The following CACNA1S variants were observed in gnomAD, a reference collection of about 807,000 sequenced individuals.
CACNA1S encodes the protein voltage-dependent L-type calcium channel subunit alpha-1S.
CACNA1S carries 126 observed loss-of-function variants against 207.4 expected under a neutral mutation model. The observed-to-expected ratio is 0.61, with a 90% CI of 0.53 to 0.70. The LOEUF (loss-of-function observed/expected upper bound fraction) is 0.70, where lower values mean the gene tolerates loss of function less well. Ranked by LOEUF, CACNA1S falls within the 30% of genes least tolerant of loss-of-function variation. The pLI, the probability that CACNA1S is intolerant of heterozygous loss-of-function variation, is 0.00. For missense variants in CACNA1S, 2,349 were observed against 2,422.8 expected, an observed-to-expected ratio of 0.97 and a Z score of 0.64; for synonymous variants, 960 against 932.7, an observed-to-expected ratio of 1.03 and a Z score of -0.53.
intron 6 of CACNA1S, 39 bp downstream of exon 6, chr1:201,089,219 T>C (rs1305643115): frequency 5.0e-6 from 8 of 1,592,142 alleles, no homozygotes; most frequent in Non-Finnish European, 6.9e-6. Context: ...AGCCTGTGGA[T>C]GAAGGGAGAT....
chr1:201,039,878 C>T lies in CACNA1S; in HGVS notation c.5575G>A (p.Asp1859Asn), dbSNP rs191263754. ...GTCTCCTGGGAGCCCTGGTGTTGGT[C>T]GAGGCTGCCCAGGGAGGACCCGAGG... is the stretch of plus-strand genomic sequence containing the variant. ...LNLGSSLGSL[D>N]QHQGSQETLI... Residue 1859 changes from aspartate to asparagine, a missense_variant, in exon 44 of 44, where the codon GAC becomes AAC. Physicochemically the swap from Asp to Asn is conservative, Grantham distance 23 (BLOSUM62 1). Transcript: ENST00000362061. 14 of 1,611,584 alleles carry T rather than the reference C, an allele frequency of 8.7e-6. No individual in the cohort carries two copies. Among genetic ancestry groups the T allele is most frequent in the Admixed American group, 6.7e-5 (4 of 60,034 alleles).
chr1:201,056,644 A>C (rs190450353), intron 28 of CACNA1S, among the ~76,000 whole-genome samples: 152 of 152,260 alleles, frequency 1.0e-3, no homozygotes, highest in Admixed American at 2.0e-3. Flanking sequence ...CACTTGGGCA[A>C]CTGTTTTTTG....
In CACNA1S at chr1:201,089,414, C is replaced by T. The variant is rs373609219; in HGVS notation, c.744G>A (p.Thr248=). 27 of 1,614,164 alleles carry T rather than the reference C, an allele frequency of 1.7e-5. No individual in the cohort carries two copies. The highest frequency in any genetic ancestry group is 4.0e-5 in the African/African-American group (3 of 75,060). The part of the protein sequence containing the change: ...ENEEPSPCAR[T]GSGRRCTING... ...TGATGGTGCACCGGCGCCCTGAGCC[C>T]GTCCTGGCGCAGGGCGATGGCTCTT... Residue 248 remains threonine, a synonymous_variant, in exon 6 of 44, where the codon ACG becomes ACA. Transcript: ENST00000362061.
chr1:201,062,001 T>C lies in CACNA1S; in HGVS notation c.2996A>G (p.Asn999Ser), dbSNP rs932487379. The change falls in exon 24 of 44, where the codon AAT (asparagine) becomes AGT (serine). Residue 999 changes from asparagine (N) to serine (S), a missense_variant. Transcript: ENST00000362061. The stretch of plus-strand genomic sequence containing the variant: ...GAGGGACATCATGGCTGAGAGCACA[T>C]TGTCGAAGTGGAAGTCGCTGTGTAC... ...EWVHSDFHFDNVLSAMMSLFT... is the reference protein window; with the variant it reads ...EWVHSDFHFDSVLSAMMSLFT... 6.2e-7 allele frequency: 1 copy of C among 1,614,150 alleles called. No homozygotes were observed. Among genetic ancestry groups the C allele is most frequent in the Non-Finnish European group, 8.5e-7 (1 of 1,180,006 alleles).
At chr1:201,056,068 C>A (rs1005319701) in intron 28 of CACNA1S, among the ~76,000 whole-genome samples, 1 of 137,396 alleles carries the variant, frequency 7.3e-6, no homozygotes, top group Non-Finnish European at 1.5e-5. Flanking sequence ...GACAGACAGA[C>A]AGACACACAC....
Position 201,050,615 on chromosome 1 carries a change from C to T in CACNA1S, c.4114-99G>A, listed in dbSNP as rs544868045. ...GTGTCCACTGGCCCACAACTTCTCG[C>T]TTCCTGTGCCCTTGATTCTAGCCCT... On this transcript the variant is annotated intron_variant, in intron 33 of 43. Coordinates refer to ENST00000362061, the MANE Select transcript of CACNA1S (RefSeq NM_000069.3). 9.3e-6 allele frequency: 13 copies of T among 1,392,846 alleles called. No individual in the cohort carries two copies. In the East Asian group the frequency reaches 2.6e-4, roughly 27 times the overall value. The allele number at this position is 1,392,846 out of a possible 1,614,324, so 86.3% of individuals were successfully genotyped here.
chr1:201,066,316 C>T lies in CACNA1S; in HGVS notation c.2658G>A (p.Glu886=), dbSNP rs140924492. 4.9e-5 allele frequency: 79 copies of T among 1,610,084 alleles called. No individual in the cohort carries two copies. The highest frequency in any genetic ancestry group is 6.3e-5 in the Non-Finnish European group (74 of 1,179,904). The part of the protein sequence containing the change: ...VAVSLISMGL[E]SSAISVVKIL... ...TCTTCACCACGGAGATGGCACTGGA[C>T]CTGGGGGGCGGCAATGGTGAGGGGG... The change falls in exon 21 of 44, where the codon GAG becomes GAA. Residue 886 remains glutamate (E), a splice_region_variant and synonymous_variant. Transcript: ENST00000362061. The surrounding 1 kb of genome is among the most constrained non-coding windows in gnomAD (Gnocchi z 4.3).
chr1:201,060,524 T>C (rs1362702253), intron 26 of CACNA1S, 134 bp downstream of exon 26: 3 of 923,320 alleles, frequency 3.2e-6, no homozygotes, highest in Non-Finnish European at 3.4e-6. Flanking sequence ...CTGTATTCCA[T>C]GTAGCACCTC....
chr1:201,064,885 T>C (rs1156501197), intron 22 of CACNA1S, among the ~76,000 whole-genome samples: 3 of 152,152 alleles, frequency 2.0e-5, no homozygotes, highest in African/African-American at 4.8e-5. Context: ...TCCTGGTAGA[T>C]GTGGATGATG....
chr1:201,058,613 G>T, intron 27 of CACNA1S, 122 bp from the exon 28 acceptor site: 2 of 764,296 alleles, frequency 2.6e-6, no homozygotes, highest in South Asian at 2.9e-5. Context: ...CCAAGGTGGG[G>T]TGCCCATGAC....
intron 9 of CACNA1S, among the ~76,000 whole-genome samples, chr1:201,083,624 A>G (rs1661923022): frequency 6.6e-6 from 1 of 152,122 alleles, no homozygotes; most frequent in Admixed American, 6.5e-5. Context: ...AGTTAAAGCA[A>G]CTCTGAGATG....
Position 201,050,527 on chromosome 1 carries a change from A to C in CACNA1S, c.4114-11T>G. ...AAAGAGGTTGATGACCTGCAAGAGA[A>C]GAACCAAGGGGTCCCAACACAGAAA... On this transcript the variant is annotated splice_polypyrimidine_tract_variant and intron_variant, in intron 33 of 43. Coordinates refer to ENST00000362061, the MANE Select transcript of CACNA1S (RefSeq NM_000069.3). 6.2e-7 allele frequency: 1 copy of C among 1,613,976 alleles called. No homozygotes were observed. Among genetic ancestry groups the C allele is most frequent in the South Asian group, 1.1e-5 (1 of 91,068 alleles).
At chr1:201,050,793 A>G (rs1660621344) in intron 33 of CACNA1S, among the ~76,000 whole-genome samples, 191 bp downstream of exon 33, 1 of 152,084 alleles carries the variant, frequency 6.6e-6, no homozygotes, top group Non-Finnish European at 1.5e-5. Context: ...TCTCTGGAGT[A>G]TGAAAAAGCA....
chr1:201,105,280 T>C (rs1173204438), intron 2 of CACNA1S, among the ~76,000 whole-genome samples: 1 of 152,228 alleles, frequency 6.6e-6, no homozygotes, highest in African/African-American at 2.4e-5. Flanking sequence ...ATAGGCTTTT[T>C]GGCTGGTGAG....
intron 24 of CACNA1S, among the ~76,000 whole-genome samples, chr1:201,061,692 T>C (rs568873173): frequency 4.6e-5 from 7 of 152,284 alleles, no homozygotes; most frequent in Admixed American, 3.9e-4. Context: ...AATCAATCAG[T>C]ATTAACAATC....
chr1:201,058,296 T>G, intron 28 of CACNA1S, 112 bp downstream of exon 28: 1 of 916,618 alleles, frequency 1.1e-6, no homozygotes, highest in East Asian at 2.4e-5. Flanking sequence ...TCCATCTTTT[T>G]AACCCCTGGG....
chr1:201,091,574 G>A (rs1439287859), intron 5 of CACNA1S, 66 bp downstream of exon 5: 3 of 1,576,414 alleles, frequency 1.9e-6, no homozygotes, highest in Non-Finnish European at 2.6e-6. Context: ...TCACCAGGTA[G>A]GGTGGCTCCC....
In CACNA1S at chr1:201,093,131, A is replaced by G. The variant is rs557023846; in HGVS notation, c.398+751T>C. Among the ~76,000 whole-genome samples, 3 of 152,340 alleles carry G rather than the reference A, an allele frequency of 2.0e-5. No individual in the cohort carries two copies. The South Asian group carries it at 6.2e-4, about 32-fold the overall frequency. On this transcript the variant is annotated intron_variant, in intron 3 of 43. Transcript: ENST00000362061. ...TCATGGTAATGCTATGGGTAGAGAT[A>G]TGTTCCTTCTAAATTCATATGCTGA...
chr1:201,091,933 G>A (rs769063011), intron 4 of CACNA1S, 39 bp downstream of exon 4: 12 of 1,613,196 alleles, frequency 7.4e-6, no homozygotes, highest in African/African-American at 1.3e-5. Flanking sequence ...GAACAGGAAG[G>A]GAGAGGAGAA....
Sources: gnomAD v4.1 joint callset for allele counts (sites outside exome capture counted in the v4.1 genomes callset) on GRCh38, gnomAD v4.1.1 for gene constraint, Gnocchi (gnomAD v3.1) non-coding constraint, MANE v1.5 for transcripts, NCBI Gene and HGNC (gene_info 2026-07-23, HGNC 2026-07-21) for gene names.